AFG1L: variants seen among roughly 807,000 people sequenced by gnomAD.
AFG1L encodes AFG1-like ATPase.
Under a neutral mutation model 62.2 loss-of-function variants are expected in AFG1L, and 53 were observed. The ratio of observed to expected loss-of-function variants is 0.85; its 90% CI spans 0.68 to 1.07. AFG1L has a LOEUF of 1.07. AFG1L is among the 50% of genes least tolerant of loss of function. The probability of loss-of-function intolerance (pLI) is 0.00; values close to 1 mark genes in which losing one functional copy is unlikely to be tolerated. For synonymous variants in AFG1L, 228 were observed against 210.3 expected, an observed-to-expected ratio of 1.08 and a Z score of -0.73; for missense variants, 555 against 590.5, an observed-to-expected ratio of 0.94 and a Z score of 0.62.
At chr6:108,475,942 C>T (rs369862325) in intron 8 of AFG1L, among the ~76,000 whole-genome samples, 1 of 152,150 alleles carries the variant, frequency 6.6e-6, no homozygotes, top group South Asian at 2.1e-4. Flanking sequence ...AGTTTAATTG[C>T]TTCCACTACT....
intron 3 of AFG1L, among the ~76,000 whole-genome samples, chr6:108,349,877 A>G (rs1031018901): frequency 7.9e-5 from 12 of 152,066 alleles, no homozygotes; most frequent in African/African-American, 2.7e-4. Context: ...AGATTGCACC[A>G]CTGCACTCCA....
intron 3 of AFG1L, 139 bp from the exon 4 acceptor site, chr6:108,355,515 C>A (rs1352048370): frequency 2.2e-6 from 1 of 459,528 alleles, no homozygotes; most frequent in Admixed American, 4.2e-5. Flanking sequence ...AAGTAAGCTC[C>A]CCCTTCTAAA....
intron 6 of AFG1L, among the ~76,000 whole-genome samples, chr6:108,381,353 C>CT (rs74626961): frequency 0.021 from 2,939 of 142,790 alleles, 41 homozygotes; most frequent in East Asian, 0.046. Context: ...TTTTACTTTT[C>CT]TTTTTTTTTT....
At chr6:108,380,307 G>A (rs1471702112) in intron 6 of AFG1L, among the ~76,000 whole-genome samples, 2 of 152,148 alleles carry the variant, frequency 1.3e-5, no homozygotes, top group Admixed American at 1.3e-4. Flanking sequence ...TGGGCTACTG[G>A]TTCAGGCAAG....
At chr6:108,492,525 T>C (rs921404313) in intron 10 of AFG1L, among the ~76,000 whole-genome samples, 7 of 152,212 alleles carry the variant, frequency 4.6e-5, no homozygotes, top group Admixed American at 3.3e-4. Flanking sequence ...CATTCACTTA[T>C]TATGTTCTGT....
At chr6:108,371,930 A>T (rs895454259) in intron 6 of AFG1L, among the ~76,000 whole-genome samples, 1 of 150,476 alleles carries the variant, frequency 6.6e-6, no homozygotes, top group Non-Finnish European at 1.5e-5. Context: ...CTAATTTTTA[A>T]TTTTTTTTGT....
At chr6:108,363,094 A>G (rs1162250590) in intron 5 of AFG1L, among the ~76,000 whole-genome samples, 2 of 152,218 alleles carry the variant, frequency 1.3e-5, no homozygotes, top group South Asian at 2.1e-4. Context: ...GCTTAAAAAC[A>G]TGGATATACT....
At chr6:108,433,844 C>T (rs1276271084) in intron 7 of AFG1L, among the ~76,000 whole-genome samples, 1 of 152,208 alleles carries the variant, frequency 6.6e-6, no homozygotes, top group Non-Finnish European at 1.5e-5. Context: ...CTGCCCGCCT[C>T]TGCCTCCCAA....
At chr6:108,345,781 C>CA (rs1778840842) in intron 2 of AFG1L, among the ~76,000 whole-genome samples, 1 of 152,110 alleles carries the variant, frequency 6.6e-6, no homozygotes, top group African/African-American at 2.4e-5. Context: ...TTGGTACTAA[C>CA]AAGCTGATTG....
chr6:108,477,438 A>G, intron 10 of AFG1L, 146 bp downstream of exon 10: 1 of 467,728 alleles, frequency 2.1e-6, no homozygotes, highest in Non-Finnish European at 3.6e-6. Flanking sequence ...ATACTCATCT[A>G]TTTTTGCCAT....
chr6:108,455,973 T>C (rs1772238102), intron 8 of AFG1L, among the ~76,000 whole-genome samples: 1 of 152,200 alleles, frequency 6.6e-6, no homozygotes, highest in Non-Finnish European at 1.5e-5. Context: ...TGTTCAAGTC[T>C]CCTATATTCT....
intron 1 of AFG1L, among the ~76,000 whole-genome samples, chr6:108,316,533 A>AT (rs544278061): frequency 0.055 from 6,838 of 125,116 alleles, 275 homozygotes; most frequent in Admixed American, 0.11. Context: ...GTACACTCTG[A>AT]TTTTTTTTTT....
At chr6:108,441,877 G>C (rs1033088178) in intron 7 of AFG1L, among the ~76,000 whole-genome samples, 1 of 151,944 alleles carries the variant, frequency 6.6e-6, no homozygotes, top group African/African-American at 2.4e-5. Flanking sequence ...TCACTCATAT[G>C]ATCGAGAAGT....
At chr6:108,384,628 C>T (rs1386563693) in intron 6 of AFG1L, among the ~76,000 whole-genome samples, 1 of 152,090 alleles carries the variant, frequency 6.6e-6, no homozygotes, top group African/African-American at 2.4e-5. Flanking sequence ...GACTATCCCC[C>T]AATATGAACT....
chr6:108,350,026 A>G (rs983134351), intron 3 of AFG1L, among the ~76,000 whole-genome samples: 1 of 152,094 alleles, frequency 6.6e-6, no homozygotes, highest in Non-Finnish European at 1.5e-5. Context: ...ATTTCAGACC[A>G]GCCTGGCCAA....
At chr6:108,488,328 C>G (rs1432533593) in intron 10 of AFG1L, among the ~76,000 whole-genome samples, 1 of 152,036 alleles carries the variant, frequency 6.6e-6, no homozygotes, top group Admixed American at 6.6e-5. Context: ...ACATAGATCA[C>G]TAGAATGTGA....
chr6:108,444,567 A>C, intron 7 of AFG1L, among the ~76,000 whole-genome samples: 1 of 152,266 alleles, frequency 6.6e-6, no homozygotes. Flanking sequence ...TGATTCATGC[A>C]TGGGCTGCAG....
chr6:108,464,358 T>A (rs971381754), intron 8 of AFG1L, among the ~76,000 whole-genome samples: 3 of 152,228 alleles, frequency 2.0e-5, no homozygotes, highest in Non-Finnish European at 4.4e-5. Context: ...AAGTTTTATG[T>A]TGAATGCCTG....
chr6:108,465,300 A>G (rs1236044358), intron 8 of AFG1L, among the ~76,000 whole-genome samples: 1 of 152,250 alleles, frequency 6.6e-6, no homozygotes, highest in Non-Finnish European at 1.5e-5. Flanking sequence ...GTCTTTCCAT[A>G]CAACTACTGT....
Sources: gnomAD v4.1 joint callset for allele counts (sites outside exome capture counted in the v4.1 genomes callset) on GRCh38, gnomAD v4.1.1 for gene constraint, MANE v1.5 for transcripts, NCBI Gene and HGNC (gene_info 2026-07-23, HGNC 2026-07-21) for gene names.